CEP128: variants seen among roughly 807,000 people sequenced by gnomAD.
The protein encoded by CEP128 is centrosomal protein 128.
CEP128 carries 132 observed loss-of-function variants against 156.7 expected under a neutral mutation model. The observed-to-expected ratio is 0.84, with a 90% CI of 0.73 to 0.97. The LOEUF (loss-of-function observed/expected upper bound fraction) is 0.97. Among genes scored for constraint, CEP128 ranks in the 50% least tolerant of loss-of-function variants. The probability of loss-of-function intolerance (pLI) is 0.00; values close to 1 mark genes in which losing one functional copy is unlikely to be tolerated. For synonymous variants in CEP128, 469 were observed against 448.9 expected (o/e 1.04, Z -0.57); for missense variants, 1,252 against 1,281.9 (o/e 0.98, Z 0.36).
intron 13 of CEP128, among the ~76,000 whole-genome samples, chr14:80,828,117 T>C (rs1194488138): frequency 7.0e-6 from 1 of 143,340 alleles, no homozygotes; most frequent in Non-Finnish European, 1.5e-5. Context: ...ACTTTGCTTC[T>C]TTTTTCTTTT....
intron 17 of CEP128, among the ~76,000 whole-genome samples, chr14:80,758,449 G>T (rs1057294275): frequency 2.0e-5 from 3 of 151,700 alleles, no homozygotes; most frequent in African/African-American, 7.3e-5. Context: ...TTGAACCCAG[G>T]ACGCGGAGGT....
At chr14:80,937,035 G>A (rs571370276) in intron 2 of CEP128, among the ~76,000 whole-genome samples, 8 of 151,838 alleles carry the variant, frequency 5.3e-5, no homozygotes, top group Middle Eastern at 3.4e-3. Flanking sequence ...TAAATAATAC[G>A]GGCCAGGCGC....
At chr14:80,680,356 G>C (rs1018730780) in intron 19 of CEP128, among the ~76,000 whole-genome samples, 5 of 152,118 alleles carry the variant, frequency 3.3e-5, no homozygotes, top group Non-Finnish European at 5.9e-5. Context: ...GCACCCACTT[G>C]CCTAGACCAG....
chr14:80,496,507 C>T lies in CEP128; in HGVS notation c.*972G>A, dbSNP rs974871287. 4.6e-5 allele frequency: 7 copies of T among 152,526 alleles called. No homozygotes were observed. Among genetic ancestry groups the T allele is most frequent in the African/African-American group, 1.4e-4 (6 of 41,412 alleles). 9.4% of individuals were successfully genotyped at this position (152,526 alleles called of 1,614,324 possible). On this transcript the variant is annotated 3_prime_UTR_variant, in exon 25 of 25. Transcript: ENST00000555265. ...ATATTACAAAGGTATTGCTTTATTGCCCTTGTCTATGCAGAATCCATGACC... is the reference window on the plus strand; with the variant it reads ...ATATTACAAAGGTATTGCTTTATTGTCCTTGTCTATGCAGAATCCATGACC...
At chr14:80,658,128 T>C (rs1316000220) in intron 19 of CEP128, among the ~76,000 whole-genome samples, 1 of 152,106 alleles carries the variant, frequency 6.6e-6, no homozygotes, top group Non-Finnish European at 1.5e-5. Flanking sequence ...ATGAAAAAAA[T>C]TAAGAGTTAA....
intron 13 of CEP128, among the ~76,000 whole-genome samples, chr14:80,798,517 A>G (rs10133034): frequency 0.64 from 97,566 of 152,052 alleles, 31,732 homozygotes; most frequent in East Asian, 0.79. Flanking sequence ...ATTAGGGGCT[A>G]GTCACTTGGG....
At chr14:80,954,825 T>C (rs1331704735) in intron 2 of CEP128, among the ~76,000 whole-genome samples, 1 of 152,232 alleles carries the variant, frequency 6.6e-6, no homozygotes, top group Non-Finnish European at 1.5e-5. Context: ...GGAATATGAC[T>C]CAATGAAATT....
At chr14:80,945,896 A>C (rs1277986540), upstream of CEP128, 6 of 152,236 alleles carry the variant, frequency 3.9e-5, no homozygotes, top group African/African-American at 1.4e-4. Context: ...AAGCCTTGTT[A>C]TTCCCATTTG....
At chr14:80,540,274 T>C (rs752815018) in intron 21 of CEP128, among the ~76,000 whole-genome samples, 4 of 149,054 alleles carry the variant, frequency 2.7e-5, no homozygotes, top group Non-Finnish European at 5.9e-5. Flanking sequence ...TACTGATATG[T>C]GATGTCACCC....
At chr14:80,892,738 G>C (rs1456543949) in intron 8 of CEP128, among the ~76,000 whole-genome samples, 1 of 151,736 alleles carries the variant, frequency 6.6e-6, no homozygotes, top group Non-Finnish European at 1.5e-5. Context: ...AACAGGCAAA[G>C]AATCTAAATA....
At chr14:80,499,463 T>C (rs1401229276) in intron 24 of CEP128, among the ~76,000 whole-genome samples, 1 of 152,240 alleles carries the variant, frequency 6.6e-6, no homozygotes, top group Non-Finnish European at 1.5e-5. Context: ...TCAAATTATC[T>C]GTAAGATTCA....
At chr14:80,614,917 ATAGCAAAGGTT>A (rs1350965230) in intron 19 of CEP128, among the ~76,000 whole-genome samples, 1 of 152,222 alleles carries the variant, frequency 6.6e-6, no homozygotes, top group Non-Finnish European at 1.5e-5. Flanking sequence ...TAAAATGCAT[ATAGCAAAGGTT>A]ATCAAATGTA....
At chr14:80,534,582 T>C (rs1889390517) in intron 21 of CEP128, among the ~76,000 whole-genome samples, 1 of 152,096 alleles carries the variant, frequency 6.6e-6, no homozygotes, top group Admixed American at 6.5e-5. Flanking sequence ...TCCCAACACT[T>C]TGGGAGTCCG....
chr14:80,649,049 T>C (rs1024192710), intron 19 of CEP128, among the ~76,000 whole-genome samples: 4 of 152,126 alleles, frequency 2.6e-5, no homozygotes, highest in Non-Finnish European at 5.9e-5. Context: ...ACCTTAATTA[T>C]ATTAACCGCA....
intron 21 of CEP128, among the ~76,000 whole-genome samples, chr14:80,555,426 T>C (rs374830162): frequency 9.5e-4 from 145 of 152,292 alleles, no homozygotes; most frequent in Admixed American, 2.8e-3. Flanking sequence ...TTCCTCATTG[T>C]AGAAGAAGCC....
intron 8 of CEP128, among the ~76,000 whole-genome samples, chr14:80,882,743 G>C (rs1323327256): frequency 6.6e-6 from 1 of 152,180 alleles, no homozygotes; most frequent in Non-Finnish European, 1.5e-5. Context: ...TCAAAACAAT[G>C]GGATTCTGTC....
intron 20 of CEP128, among the ~76,000 whole-genome samples, chr14:80,568,706 G>A (rs1204039277): frequency 4.6e-5 from 7 of 152,140 alleles, no homozygotes; most frequent in Non-Finnish European, 7.4e-5. Flanking sequence ...ACACACACGC[G>A]CAGGTAAGAA....
chr14:80,682,845 G>T (rs558217244), intron 19 of CEP128, among the ~76,000 whole-genome samples: 1 of 152,250 alleles, frequency 6.6e-6, no homozygotes, highest in Non-Finnish European at 1.5e-5. Context: ...GCCAAACTAA[G>T]TTTCATAAGC....
chr14:80,943,732 G>A (rs1886258748), upstream of CEP128, among the ~76,000 whole-genome samples: 1 of 152,188 alleles, frequency 6.6e-6, no homozygotes, highest in African/African-American at 2.4e-5. Context: ...GCTGACTCAA[G>A]CCTGTAATCC....
Sources: gnomAD v4.1 joint callset for allele counts (sites outside exome capture counted in the v4.1 genomes callset) on GRCh38, gnomAD v4.1.1 for gene constraint, MANE v1.5 for transcripts, NCBI Gene and HGNC (gene_info 2026-07-23, HGNC 2026-07-21) for gene names.